Variants in WNT7A observed in about 807,000 individuals in gnomAD.
WNT7A encodes the protein protein Wnt-7a.
WNT7A carries 16 observed loss-of-function variants against 28.2 expected under a neutral mutation model. That is an observed-to-expected ratio of 0.57 (90% CI 0.38 to 0.86). WNT7A has a LOEUF of 0.86. Among genes scored for constraint, WNT7A ranks in the 40% least tolerant of loss-of-function variants. The pLI, the probability that WNT7A is intolerant of heterozygous loss-of-function variation, is 0.00. For missense variants in WNT7A, 411 were observed against 489.7 expected (o/e 0.84, Z 1.52); for synonymous variants, 190 against 195.9 (o/e 0.97, Z 0.25).
intron 3 of WNT7A, among the ~76,000 whole-genome samples, chr3:13,848,486 C>T (rs1694575816): frequency 6.6e-6 from 1 of 152,180 alleles, no homozygotes; most frequent in Non-Finnish European, 1.5e-5. Flanking sequence ...ATATATTCAA[C>T]ATCATTAGCC....
chr3:13,879,447 C>T (rs922159718), intron 1 of WNT7A, among the ~76,000 whole-genome samples: 3 of 152,208 alleles, frequency 2.0e-5, no homozygotes, highest in African/African-American at 7.2e-5. Flanking sequence ...TGGGCTGAAC[C>T]TTTGCAGCAG....
rs1462726385 is a variant in WNT7A, at chr3:13,875,083, G to C, written c.162C>G (p.Ser54Arg). 3 of 1,614,104 alleles carry C rather than the reference G, an allele frequency of 1.9e-6. No individual in the cohort carries two copies. Among genetic ancestry groups the C allele is most frequent in the Admixed American group, 1.7e-5 (1 of 60,010 alleles). ...CTATGACGATGATGGCGTCGGGCCG[G>C]CTCTGGCAGATCGCCCGCTGTCTGG... ...LAPRQRAICQ[S>R]RPDAIIVIGE... The change falls in exon 2 of 4, where the codon AGC becomes AGG. Residue 54 changes from serine (S) to arginine (R), a missense_variant. Transcript: ENST00000285018.
At chr3:13,838,158 G>A (rs1360167256) in intron 3 of WNT7A, among the ~76,000 whole-genome samples, 2 of 152,126 alleles carry the variant, frequency 1.3e-5, no homozygotes, top group African/African-American at 4.8e-5. Context: ...GCAGGTGGGG[G>A]GCATGGTTGA....
At chr3:13,845,824 T>C (rs1470663274) in intron 3 of WNT7A, among the ~76,000 whole-genome samples, 4 of 152,222 alleles carry the variant, frequency 2.6e-5, no homozygotes, top group African/African-American at 9.6e-5. Flanking sequence ...GGCTGGGCTC[T>C]GAGAGACACC....
intron 3 of WNT7A, among the ~76,000 whole-genome samples, chr3:13,829,774 T>C (rs1694248686): frequency 6.6e-6 from 1 of 152,038 alleles, no homozygotes; most frequent in Non-Finnish European, 1.5e-5. Flanking sequence ...CTCCCAGAAG[T>C]CCCTGGAGTG....
chr3:13,846,836 C>T (rs1195065585), intron 3 of WNT7A, among the ~76,000 whole-genome samples: 2 of 152,162 alleles, frequency 1.3e-5, no homozygotes, highest in African/African-American at 4.8e-5. Context: ...TGACTCCTTC[C>T]AGGCCTGGGT....
Position 13,875,004 on chromosome 3 carries a change from G to A in WNT7A, c.241C>T (p.Arg81Cys), listed in dbSNP as rs1456656577. Residue 81 changes from arginine (R) to cysteine (C), a missense_variant, in exon 2 of 4, where the codon CGC becomes TGC. Transcript: ENST00000285018. ...DECQFQFRNG[R>C]WNCSALGERT... ...TCTCCCAGTGCAGAGCAGTTCCAGCGGCCATTGCGGAACTGAAACTGACAC... is the reference window on the plus strand; with the variant it reads ...TCTCCCAGTGCAGAGCAGTTCCAGCAGCCATTGCGGAACTGAAACTGACAC... The A allele has an allele frequency of 5.0e-6, 8 of 1,614,206 alleles. No individual in the cohort carries two copies. Among genetic ancestry groups the A allele is most frequent in the East Asian group, 2.2e-5 (1 of 44,880 alleles).
intron 2 of WNT7A, among the ~76,000 whole-genome samples, chr3:13,868,728 GA>G: frequency 7.4e-6 from 1 of 135,530 alleles, no homozygotes; most frequent in African/African-American, 2.8e-5. Flanking sequence ...AAGAAAGAAA[GA>G]AAGAAAGAAG....
chr3:13,819,150 G>C lies in WNT7A; in HGVS notation c.844C>G (p.Pro282Ala). ...TGGGTGCCCACACTGCCGGTCACCG[G>C]GTCCTCCTCGCAGTAGTTGGGCGAC... ...EKSPNYCEEDPVTGSVGTQGR... is the reference protein window; with the variant it reads ...EKSPNYCEEDAVTGSVGTQGR... Residue 282 changes from proline to alanine, a missense_variant, in exon 4 of 4, where the codon CCG becomes GCG. Pro to Ala is a conservative substitution (Grantham distance 27). Transcript: ENST00000285018. 6.2e-7 allele frequency: 1 copy of C among 1,614,222 alleles called. No individual in the cohort carries two copies. Among genetic ancestry groups the C allele is most frequent in the Non-Finnish European group, 8.5e-7 (1 of 1,180,044 alleles).
chr3:13,856,953 GAAGAAGAAGAAGAAGGAGAAGA>G (rs1386853944), intron 2 of WNT7A, among the ~76,000 whole-genome samples: 1 of 124,202 alleles, frequency 8.1e-6, no homozygotes, highest in Non-Finnish European at 1.6e-5. Context: ...AGAAGAAGAA[GAAGAAGAAGAAGAAGGAGAAGA>G]AGAAGAAGAA....
rs1694836986 is a variant in WNT7A at position 13,861,874 on chromosome 3, C to T, written c.299-7071G>A. ...CAGTGACTCAGCAAGACCAGAAGAT[C>T]CCCTGGCTCCCTCACCTCCCCCATG... On this transcript the variant is annotated intron_variant, in intron 2 of 3. Coordinates refer to ENST00000285018, the MANE Select transcript of WNT7A (RefSeq NM_004625.4). Among the ~76,000 whole-genome samples the T allele has an allele frequency of 2.0e-5, 3 of 152,220 alleles. No homozygotes were observed. In the South Asian group the frequency reaches 6.2e-4, roughly 31 times the overall value.
At chr3:13,851,739 G>A (rs1488335247) in intron 3 of WNT7A, among the ~76,000 whole-genome samples, 2 of 152,162 alleles carry the variant, frequency 1.3e-5, no homozygotes, top group African/African-American at 4.8e-5. Context: ...ACCATCCAAA[G>A]ATTTCAGCAC....
intron 3 of WNT7A, among the ~76,000 whole-genome samples, chr3:13,840,952 T>C (rs1295419231): frequency 2.0e-5 from 3 of 152,212 alleles, no homozygotes; most frequent in Non-Finnish European, 4.4e-5. Context: ...ATCCAGTTCA[T>C]GTTGTCATAT....
intron 2 of WNT7A, among the ~76,000 whole-genome samples, chr3:13,873,686 G>C (rs1330784205): frequency 6.6e-6 from 1 of 152,216 alleles, no homozygotes; most frequent in Non-Finnish European, 1.5e-5. Flanking sequence ...GATTGAGACA[G>C]TGTGAAGTGC....
intron 3 of WNT7A, among the ~76,000 whole-genome samples, chr3:13,840,596 T>TCATCCATCCATCCATC (rs113782895): frequency 7.3e-5 from 11 of 150,206 alleles, no homozygotes; most frequent in African/African-American, 2.5e-4. Context: ...AGCTATTCAT[T>TCATCCATCCATCCATC]CATCCATCCA....
rs374100263 is a variant in WNT7A at position 13,819,402 on chromosome 3, G to A, written c.592C>T (p.Leu198=). 6.2e-7 allele frequency: 1 copy of A among 1,613,528 alleles called. No homozygotes were observed. The highest frequency in any genetic ancestry group is 1.3e-5 in the African/African-American group (1 of 75,054). ...GACACGCCGTGGCACTTACATTCCA[G>A]CTTCATGTTCTCCTCCAGGATCTGC... ...GRKILEENMK[L]ECKCHGVSGS... is the part of the protein sequence containing the mutation. The change falls in exon 4 of 4, where the codon CTG becomes TTG. Residue 198 remains leucine (L), a synonymous_variant. Coordinates refer to ENST00000285018, the MANE Select transcript of WNT7A (RefSeq NM_004625.4).
At chr3:13,859,197 G>A (rs375028705) in intron 2 of WNT7A, among the ~76,000 whole-genome samples, 1 of 152,206 alleles carries the variant, frequency 6.6e-6, no homozygotes, top group Admixed American at 6.5e-5. Context: ...CTGATCCAGT[G>A]TTTGTCTGCC....
chr3:13,873,549 G>A (rs1695057153), intron 2 of WNT7A, among the ~76,000 whole-genome samples: 1 of 152,170 alleles, frequency 6.6e-6, no homozygotes, highest in Admixed American at 6.5e-5. Context: ...ACAAAACCAG[G>A]CCTGCTGCAG....
chr3:13,822,318 G>A (rs547629979), intron 3 of WNT7A, among the ~76,000 whole-genome samples: 30 of 152,280 alleles, frequency 2.0e-4, no homozygotes, highest in East Asian at 5.8e-4. Flanking sequence ...AAAAGTGAGC[G>A]GAATAACTCC....
Sources: allele counts gnomAD v4.1 joint callset (sites outside exome capture counted in the v4.1 genomes callset), GRCh38; gene constraint gnomAD v4.1.1; transcripts MANE v1.5; gene names NCBI Gene and HGNC (gene_info 2026-07-23, HGNC 2026-07-21).